Variants in CSMD1 observed in about 807,000 individuals in gnomAD.
The protein encoded by CSMD1 is CUB and Sushi multiple domains 1.
Under a neutral mutation model 417.5 loss-of-function variants are expected in CSMD1, and 213 were observed. That is an observed-to-expected ratio of 0.51 (90% CI 0.46 to 0.57). CSMD1 has a LOEUF of 0.57. Among genes scored for constraint, CSMD1 ranks in the 20% least tolerant of loss-of-function variants. CSMD1 has a pLI of 0.00. For synonymous variants in CSMD1, 2,862 were observed against 1,736.8 expected, an observed-to-expected ratio of 1.65 and a Z score of -16.11; for missense variants, 6,923 against 4,529.7, an observed-to-expected ratio of 1.53 and a Z score of -15.17.
At chr8:3,509,495 TTCC>T (rs1796973718) in intron 10 of CSMD1, among the ~76,000 whole-genome samples, 2 of 152,202 alleles carry the variant, frequency 1.3e-5, no homozygotes, top group Non-Finnish European at 2.9e-5. Context: ...TCATTTCAGC[TTCC>T]TCATCTTTAA....
chr8:4,165,340 T>C (rs1404242975), intron 3 of CSMD1, among the ~76,000 whole-genome samples: 1 of 152,252 alleles, frequency 6.6e-6, no homozygotes, highest in Non-Finnish European at 1.5e-5. Flanking sequence ...AAACACGTGG[T>C]GTCCCACAAA....
At chr8:3,635,489 T>G (rs1225054691) in intron 7 of CSMD1, among the ~76,000 whole-genome samples, 1 of 149,282 alleles carries the variant, frequency 6.7e-6, no homozygotes. Flanking sequence ...ATCTCTTTTT[T>G]TTTTTTTTTT....
Position 4,435,426 on chromosome 8 carries a change from A to C in CSMD1, c.303-15361T>G, listed in dbSNP as rs542347730. On this transcript the variant is annotated intron_variant, in intron 2 of 69. Coordinates refer to ENST00000635120, the MANE Select transcript of CSMD1 (RefSeq NM_033225.6). ...CAAAGAAGTCACCATGCAGGCCCAG[A>C]GTTTGTCTAGTTTTGTTAAACTTAT... is the stretch of plus-strand genomic sequence containing the variant. Among the ~76,000 whole-genome samples the C allele has an allele frequency of 2.0e-5, 3 of 152,294 alleles. No individual in the cohort carries two copies. The South Asian group carries it at 6.2e-4, about 32-fold the overall frequency.
chr8:4,383,410 C>T (rs1414401755), intron 3 of CSMD1, among the ~76,000 whole-genome samples: 3 of 152,102 alleles, frequency 2.0e-5, no homozygotes, highest in African/African-American at 7.2e-5. Flanking sequence ...CATGCCTTGC[C>T]TCATTTCCGT....
At chr8:4,181,363 A>AT (rs1463079137) in intron 3 of CSMD1, among the ~76,000 whole-genome samples, 26 of 136,614 alleles carry the variant, frequency 1.9e-4, no homozygotes, top group East Asian at 1.3e-3. Flanking sequence ...TCATTTATTT[A>AT]TTTATTTTTT....
At chr8:3,328,482 C>G in intron 23 of CSMD1, among the ~76,000 whole-genome samples, 1 of 152,216 alleles carries the variant, frequency 6.6e-6, no homozygotes, top group East Asian at 1.9e-4. Context: ...TTGCTACACC[C>G]TCCAAATACT....
chr8:4,745,825 GAAGAAGATGCA>G (rs1248023005), intron 1 of CSMD1, among the ~76,000 whole-genome samples: 9 of 152,120 alleles, frequency 5.9e-5, no homozygotes, highest in African/African-American at 2.2e-4. Flanking sequence ...AATGAGGGGT[GAAGAAGATGCA>G]AAGAAAATCT....
rs540602686 is a variant in CSMD1 at position 4,515,852 on chromosome 8, A to C, written c.303-95787T>G. Among the ~76,000 whole-genome samples the C allele has an allele frequency of 5.9e-5, 9 of 152,320 alleles. No individual in the cohort carries two copies. The East Asian group carries it at 1.7e-3, about 29-fold the overall frequency. ...CATTGCAGGCTGAGAGCTTTAGCTC[A>C]TAAGCCTGCTGGCACCAAACTCAAA... On this transcript the variant is annotated intron_variant, in intron 2 of 69. Coordinates refer to ENST00000635120, the MANE Select transcript of CSMD1 (RefSeq NM_033225.6).
chr8:3,848,406 G>A (rs1465040203), intron 5 of CSMD1, among the ~76,000 whole-genome samples: 1 of 152,120 alleles, frequency 6.6e-6, no homozygotes, highest in Non-Finnish European at 1.5e-5. Context: ...CATAGTTGGT[G>A]TTTTTTAAAA....
chr8:4,219,439 A>C (rs1009634495), intron 3 of CSMD1, among the ~76,000 whole-genome samples: 3 of 152,162 alleles, frequency 2.0e-5, no homozygotes, highest in Non-Finnish European at 2.9e-5. Flanking sequence ...CTCTGATCAT[A>C]ATTCATACCC....
chr8:3,962,929 C>A (rs139848769), intron 5 of CSMD1, among the ~76,000 whole-genome samples: 54 of 152,172 alleles, frequency 3.5e-4, no homozygotes, highest in African/African-American at 1.1e-3. Flanking sequence ...AAACTTTTCA[C>A]TCAGTTTTTG....
chr8:3,863,507 T>C (rs189567372), intron 5 of CSMD1, among the ~76,000 whole-genome samples: 1 of 151,918 alleles, frequency 6.6e-6, no homozygotes, highest in South Asian at 2.1e-4. Context: ...CCACATCAGA[T>C]ATTGGGCTCC....
At chr8:3,884,278 C>G (rs1056352408) in intron 5 of CSMD1, among the ~76,000 whole-genome samples, 4 of 152,286 alleles carry the variant, frequency 2.6e-5, no homozygotes, top group African/African-American at 9.6e-5. Context: ...ACTTAACATA[C>G]AATGGCCACT....
At chr8:3,806,868 C>T (rs564187343) in intron 5 of CSMD1, among the ~76,000 whole-genome samples, 1 of 152,176 alleles carries the variant, frequency 6.6e-6, no homozygotes, top group South Asian at 2.1e-4. Context: ...ATCTAGTAAC[C>T]AATTAACAGT....
chr8:4,415,541 CG>C (rs1796887587), intron 3 of CSMD1, among the ~76,000 whole-genome samples: 2 of 152,158 alleles, frequency 1.3e-5, no homozygotes, highest in Non-Finnish European at 1.5e-5. Flanking sequence ...TTTATAAAGC[CG>C]GAATGACTAT....
intron 26 of CSMD1, among the ~76,000 whole-genome samples, chr8:3,259,748 C>T (rs778850140): frequency 5.3e-5 from 8 of 152,248 alleles, no homozygotes; most frequent in Middle Eastern, 6.8e-3. Context: ...GTTAAATGGT[C>T]TAAAACATGA....
chr8:3,222,240 C>G (rs1397127385), intron 28 of CSMD1, among the ~76,000 whole-genome samples: 1 of 152,100 alleles, frequency 6.6e-6, no homozygotes, highest in Non-Finnish European at 1.5e-5. Flanking sequence ...ACAAAACTGC[C>G]TTAAATATGC....
intron 1 of CSMD1, among the ~76,000 whole-genome samples, chr8:4,840,679 AT>A (rs1800791109): frequency 6.6e-6 from 1 of 152,216 alleles, no homozygotes; most frequent in South Asian, 2.1e-4. Context: ...GGTGCCTGTT[AT>A]TACTCAGTGC....
chr8:4,771,477 T>C (rs1796594275), intron 1 of CSMD1, among the ~76,000 whole-genome samples: 1 of 152,224 alleles, frequency 6.6e-6, no homozygotes, highest in Non-Finnish European at 1.5e-5. Flanking sequence ...CGAAGCTCAG[T>C]CGTGAGAATG....
Sources: allele counts gnomAD v4.1 joint callset (sites outside exome capture counted in the v4.1 genomes callset), GRCh38; gene constraint gnomAD v4.1.1; transcripts MANE v1.5; gene names NCBI Gene and HGNC (gene_info 2026-07-23, HGNC 2026-07-21).